Variants in LPP observed in about 807,000 individuals in gnomAD.
The protein encoded by LPP is LIM domain containing preferred translocation partner in lipoma.
Under a neutral mutation model 60.4 loss-of-function variants are expected in LPP, and 38 were observed. The ratio of observed to expected loss-of-function variants is 0.63; its 90% CI spans 0.49 to 0.83. LPP has a LOEUF of 0.83. Among genes scored for constraint, LPP ranks in the 40% least tolerant of loss-of-function variants. LPP has a pLI of 0.00. For synonymous variants in LPP, 328 were observed against 290.8 expected (o/e 1.13, Z -1.30); for missense variants, 902 against 783.6 (o/e 1.15, Z -1.80).
chr3:188,181,557 C>T (rs1411156073), intron 1 of LPP, among the ~76,000 whole-genome samples: 2 of 152,158 alleles, frequency 1.3e-5, no homozygotes, highest in African/African-American at 4.8e-5. Flanking sequence ...CCTCTTGTTT[C>T]CGCTGCTGCT....
At position 188,441,320 on chromosome 3, in the gene LPP, C is replaced by T. The variant is rs558961795; in HGVS notation, c.193+35007C>T. ...TGTGTATGCGTGCGTATGTGTTTATCAGAATATATTAGAAGATAATTTGCA... is the reference window on the plus strand; with the variant it reads ...TGTGTATGCGTGCGTATGTGTTTATTAGAATATATTAGAAGATAATTTGCA... On this transcript the variant is annotated intron_variant, in intron 4 of 11. Coordinates refer to ENST00000617246, the MANE Select transcript of LPP (RefSeq NM_001375462.1). 1.1e-4 allele frequency among the ~76,000 whole-genome samples: 17 copies of T among 152,092 alleles called. 1 individual carries two copies. In the South Asian group the frequency reaches 3.5e-3, roughly 32 times the overall value.
intron 9 of LPP, among the ~76,000 whole-genome samples, chr3:188,778,909 G>T (rs1214728675): frequency 2.0e-5 from 3 of 152,274 alleles, no homozygotes; most frequent in Non-Finnish European, 4.4e-5. Context: ...GACAAGCAAA[G>T]AGAAACTGTA....
intron 1 of LPP, chr3:188,180,405 A>G (rs1724592509): frequency 6.5e-6 from 1 of 154,544 alleles, no homozygotes. Context: ...GTCTTAGCAC[A>G]TGCTGCCCTG....
At chr3:188,337,259 C>T (rs1678826177) in intron 2 of LPP, among the ~76,000 whole-genome samples, 2 of 152,210 alleles carry the variant, frequency 1.3e-5, no homozygotes, top group Admixed American at 1.3e-4. Flanking sequence ...GCTCCATTTC[C>T]AAGACGGCAT....
At chr3:188,826,806 G>A (rs1365121015) in intron 9 of LPP, among the ~76,000 whole-genome samples, 2 of 151,870 alleles carry the variant, frequency 1.3e-5, no homozygotes, top group Admixed American at 6.6e-5. Flanking sequence ...ACCTCTCTAT[G>A]TCATCCTTAA....
At chr3:188,192,032 A>G (rs1311594286) in intron 1 of LPP, among the ~76,000 whole-genome samples, 1 of 152,188 alleles carries the variant, frequency 6.6e-6, no homozygotes, top group Non-Finnish European at 1.5e-5. Context: ...CTCAAAACAT[A>G]AACTATTTGG....
chr3:188,319,427 A>G (rs1756290003), intron 2 of LPP, among the ~76,000 whole-genome samples: 1 of 152,048 alleles, frequency 6.6e-6, no homozygotes, highest in South Asian at 2.1e-4. Context: ...CATTTTATTT[A>G]TTTACTTTTA....
intron 8 of LPP, among the ~76,000 whole-genome samples, chr3:188,739,876 C>A (rs1723804633): frequency 6.6e-6 from 1 of 151,998 alleles, no homozygotes; most frequent in Non-Finnish European, 1.5e-5. Flanking sequence ...GAGAATACTG[C>A]CATTTTATAA....
intron 4 of LPP, among the ~76,000 whole-genome samples, chr3:188,428,503 A>G (rs1404382996): frequency 6.6e-6 from 1 of 151,828 alleles, no homozygotes; most frequent in Non-Finnish European, 1.5e-5. Context: ...GGTAATAATC[A>G]CCTGGGGAAC....
At chr3:188,738,857 G>A (rs1278246133) in intron 8 of LPP, among the ~76,000 whole-genome samples, 1 of 152,070 alleles carries the variant, frequency 6.6e-6, no homozygotes, top group Non-Finnish European at 1.5e-5. Context: ...ATTAGCTGGT[G>A]TAAATATCGG....
intron 6 of LPP, among the ~76,000 whole-genome samples, chr3:188,584,731 T>C (rs1837048636): frequency 6.6e-6 from 1 of 152,092 alleles, no homozygotes; most frequent in African/African-American, 2.4e-5. Flanking sequence ...CTTCTTCTTT[T>C]TTTTTCCTTT....
chr3:188,178,693 C>G (rs1464437764), intron 1 of LPP: 1 of 155,276 alleles, frequency 6.4e-6, no homozygotes, highest in Admixed American at 6.3e-5. Context: ...GTGAAGGACA[C>G]TTGTTGATTC....
chr3:188,809,628 G>T (rs1454031191), intron 9 of LPP, among the ~76,000 whole-genome samples: 1 of 152,054 alleles, frequency 6.6e-6, no homozygotes, highest in African/African-American at 2.4e-5. Flanking sequence ...CTTTCTGTAG[G>T]TTGCCTGTTC....
chr3:188,586,946 G>A (rs905346211), intron 6 of LPP, among the ~76,000 whole-genome samples: 5 of 151,960 alleles, frequency 3.3e-5, no homozygotes, highest in African/African-American at 1.2e-4. Context: ...GGCCAGGCTG[G>A]TCTTGAACAC....
At chr3:188,407,791 T>TTTTTTTTTTTTTTTTTTTTTTTTTTTG (rs1783984681) in intron 4 of LPP, among the ~76,000 whole-genome samples, 1 of 34,136 alleles carries the variant, frequency 2.9e-5, no homozygotes, top group African/African-American at 4.9e-5. Flanking sequence ...TTTGTTTGTT[T>TTTTTTTTTTTTTTTTTTTTTTTTTTTG]TTTTTTTTTT....
intron 2 of LPP, among the ~76,000 whole-genome samples, chr3:188,251,743 A>G (rs901688713): frequency 6.6e-6 from 1 of 151,874 alleles, no homozygotes; most frequent in African/African-American, 2.4e-5. Flanking sequence ...GATTACCTGG[A>G]TTAGTTCTTT....
intron 1 of LPP, among the ~76,000 whole-genome samples, chr3:188,195,171 A>G (rs1381540254): frequency 1.3e-5 from 2 of 152,012 alleles, no homozygotes; most frequent in South Asian, 2.1e-4. Context: ...AGGCAGGAGA[A>G]TTGCTTGAAC....
In LPP at chr3:188,573,306, G is replaced by A. The variant is rs139753246; in HGVS notation, c.430-35855G>A. ...TGGATTTGAATGCATTTTTTAAAATGTAAAAGGAAGATACAAATATAGTTG... is the reference window on the plus strand; with the variant it reads ...TGGATTTGAATGCATTTTTTAAAATATAAAAGGAAGATACAAATATAGTTG... On this transcript the variant is annotated intron_variant, in intron 6 of 11. Coordinates refer to ENST00000617246, the MANE Select transcript of LPP (RefSeq NM_001375462.1). 3.3e-3 allele frequency among the ~76,000 whole-genome samples: 501 copies of A among 152,270 alleles called. 3 individuals carry two copies. The highest frequency in any genetic ancestry group is 6.8e-3 in the Middle Eastern group (2 of 294).
chr3:188,377,461 G>A (rs185821768), intron 3 of LPP, among the ~76,000 whole-genome samples: 298 of 151,672 alleles, frequency 2.0e-3, no homozygotes, highest in African/African-American at 6.4e-3. Context: ...TCATTTTGTC[G>A]TCCATCACTT....
Sources: gnomAD v4.1 joint callset for allele counts (sites outside exome capture counted in the v4.1 genomes callset) on GRCh38, gnomAD v4.1.1 for gene constraint, MANE v1.5 for transcripts, NCBI Gene and HGNC (gene_info 2026-07-23, HGNC 2026-07-21) for gene names.